The following KCNIP4 variants were observed in gnomAD, a reference collection of about 807,000 sequenced individuals.
The protein encoded by KCNIP4 is Kv channel-interacting protein 4.
KCNIP4 carries 12 observed loss-of-function variants against 34.0 expected under a neutral mutation model. The ratio of observed to expected loss-of-function variants is 0.35; its 90% CI spans 0.23 to 0.57. The LOEUF is 0.57. Ranked by LOEUF, KCNIP4 falls within the 20% of genes least tolerant of loss-of-function variation. The pLI is 0.83. For synonymous variants in KCNIP4, 124 were observed against 102.2 expected, an observed-to-expected ratio of 1.21 and a Z score of -1.29; for missense variants, 238 against 311.7, an observed-to-expected ratio of 0.76 and a Z score of 1.78.
At chr4:21,694,772 T>G (rs183168334) in intron 1 of KCNIP4, among the ~76,000 whole-genome samples, 43 of 152,092 alleles carry the variant, frequency 2.8e-4, no homozygotes. Context: ...TTCTTTGCAC[T>G]TCCAATATTC....
chr4:21,544,706 T>C (rs1737991646), intron 1 of KCNIP4: 1 of 152,182 alleles, frequency 6.6e-6, no homozygotes, highest in Non-Finnish European at 1.5e-5. Flanking sequence ...GTTCTGGGAA[T>C]TGCCCACCCT....
chr4:21,858,889 AGTATTAATT>A (rs1724906083), intron 1 of KCNIP4, among the ~76,000 whole-genome samples: 1 of 152,190 alleles, frequency 6.6e-6, no homozygotes, highest in African/African-American at 2.4e-5. Flanking sequence ...ACTCATATAG[AGTATTAATT>A]GTTTATAGTT....
At chr4:20,880,821 A>G (rs1037694262) in intron 2 of KCNIP4, among the ~76,000 whole-genome samples, 1 of 152,178 alleles carries the variant, frequency 6.6e-6, no homozygotes, top group African/African-American at 2.4e-5. Flanking sequence ...ATCATGTAGG[A>G]TTAGGGCTCT....
chr4:21,555,132 C>T (rs568786603), intron 1 of KCNIP4, among the ~76,000 whole-genome samples: 30 of 152,048 alleles, frequency 2.0e-4, no homozygotes, highest in African/African-American at 3.4e-4. Flanking sequence ...CCTCAAGAAG[C>T]GAAATAGTGG....
In KCNIP4 at chr4:20,893,345, G is replaced by A. The variant is rs148901488; in HGVS notation, c.62-10636C>T. On this transcript the variant is annotated intron_variant, in intron 1 of 8. Transcript: ENST00000382152. ...AAGATTTGGAACTTTAGGGTTCAGG[G>A]AGAACTCATTTGAATCTAAGCGCTG... 1.7e-4 allele frequency among the ~76,000 whole-genome samples: 26 copies of A among 152,264 alleles called. No individual in the cohort carries two copies. The East Asian group carries it at 4.0e-3, about 24-fold the overall frequency.
intron 1 of KCNIP4, among the ~76,000 whole-genome samples, chr4:21,690,406 T>C (rs1179340057): frequency 6.6e-6 from 1 of 151,750 alleles, no homozygotes; most frequent in African/African-American, 2.4e-5. Flanking sequence ...CTAGTGGGAG[T>C]TGTTTGGATC....
chr4:21,744,670 T>G (rs2109134627), intron 1 of KCNIP4, among the ~76,000 whole-genome samples: 2 of 152,276 alleles, frequency 1.3e-5, no homozygotes, highest in South Asian at 4.2e-4. Context: ...CCAAGGTCAC[T>G]TCTAATTGGT....
At chr4:21,783,779 AG>A (rs1478924893) in intron 1 of KCNIP4, among the ~76,000 whole-genome samples, 1 of 152,212 alleles carries the variant, frequency 6.6e-6, no homozygotes, top group African/African-American at 2.4e-5. Context: ...GTGGGTAAAC[AG>A]AGCTTAATCC....
At chr4:21,337,107 G>A (rs1716253145) in intron 1 of KCNIP4, among the ~76,000 whole-genome samples, 1 of 146,542 alleles carries the variant, frequency 6.8e-6, no homozygotes, top group African/African-American at 2.8e-5. Context: ...ATAGGGAAAG[G>A]GGCAAGGATA....
intron 1 of KCNIP4, among the ~76,000 whole-genome samples, chr4:21,604,730 A>G (rs899585122): frequency 2.6e-5 from 4 of 152,216 alleles, no homozygotes; most frequent in African/African-American, 9.6e-5. Flanking sequence ...TTGTCTGAAG[A>G]AGTTAGGATG....
At chr4:20,754,958 T>A in intron 4 of KCNIP4, among the ~76,000 whole-genome samples, 1 of 152,160 alleles carries the variant, frequency 6.6e-6, no homozygotes, top group South Asian at 2.1e-4. Flanking sequence ...TAAATATAAT[T>A]TTTCTTTAAA....
chr4:21,849,841 GTGTGTGTC>G (rs1285381864), intron 1 of KCNIP4: 4 of 151,946 alleles, frequency 2.6e-5, no homozygotes, highest in East Asian at 1.9e-4. Flanking sequence ...TGATAAATGT[GTGTGTGTC>G]TGTGTGTCTG....
chr4:21,476,119 G>A (rs1020263302), intron 1 of KCNIP4, among the ~76,000 whole-genome samples: 13 of 152,184 alleles, frequency 8.5e-5, no homozygotes, highest in African/African-American at 2.4e-4. Context: ...GCAAAAGGAA[G>A]GGTTCACTTC....
At chr4:21,114,525 A>C (rs1286292616) in intron 1 of KCNIP4, among the ~76,000 whole-genome samples, 1 of 152,166 alleles carries the variant, frequency 6.6e-6, no homozygotes, top group Non-Finnish European at 1.5e-5. Context: ...GAATAAAAAA[A>C]TAAAAAATAA....
chr4:20,949,340 G>C (rs1732528233), intron 1 of KCNIP4, among the ~76,000 whole-genome samples: 1 of 152,200 alleles, frequency 6.6e-6, no homozygotes, highest in Non-Finnish European at 1.5e-5. Flanking sequence ...CTTTGCAGCA[G>C]AGCTGATGAT....
intron 1 of KCNIP4, among the ~76,000 whole-genome samples, chr4:21,913,061 T>C (rs1728430136): frequency 1.3e-5 from 2 of 152,142 alleles, no homozygotes; most frequent in East Asian, 3.9e-4. Context: ...CTATGGTGCC[T>C]TTGAATGTGC....
At chr4:20,766,299 T>G (rs1404348010) in intron 3 of KCNIP4, among the ~76,000 whole-genome samples, 1 of 152,122 alleles carries the variant, frequency 6.6e-6, no homozygotes, top group Non-Finnish European at 1.5e-5. Flanking sequence ...CCAGGCACGG[T>G]GGGTCATGCC....
At chr4:21,637,553 C>A (rs780060077) in intron 1 of KCNIP4, among the ~76,000 whole-genome samples, 1 of 151,780 alleles carries the variant, frequency 6.6e-6, no homozygotes, top group Non-Finnish European at 1.5e-5. Flanking sequence ...GAGACTGAGG[C>A]GGGTGGATGG....
chr4:21,612,135 G>GA (rs1156952428), intron 1 of KCNIP4, among the ~76,000 whole-genome samples: 2 of 151,934 alleles, frequency 1.3e-5, no homozygotes, highest in African/African-American at 2.4e-5. Flanking sequence ...TTATGTTGTA[G>GA]AAAAAAAGAT....
Sources: allele counts gnomAD v4.1 joint callset (sites outside exome capture counted in the v4.1 genomes callset), GRCh38; gene constraint gnomAD v4.1.1; transcripts MANE v1.5; gene names NCBI Gene and HGNC (gene_info 2026-07-23, HGNC 2026-07-21).